The following SYNE2 variants were observed in gnomAD, a reference collection of about 807,000 sequenced individuals.
The protein encoded by SYNE2 is spectrin repeat containing nuclear envelope protein 2, also known as nesprin-2.
In SYNE2, 431 loss-of-function variants were observed where a neutral mutation model predicts 856.3. That is an observed-to-expected ratio of 0.50 (90% CI 0.47 to 0.55). The LOEUF is 0.55. SYNE2 is among the 20% of genes least tolerant of loss of function. The pLI, the probability that SYNE2 is intolerant of heterozygous loss-of-function variation, is 0.00. For missense variants in SYNE2, 8,129 were observed against 8,023.2 expected, an observed-to-expected ratio of 1.01 and a Z score of -0.50; for synonymous variants, 2,923 against 2,872.3, an observed-to-expected ratio of 1.02 and a Z score of -0.56.
chr14:63,953,279 A>G lies in SYNE2; in HGVS notation c.591-1440A>G, dbSNP rs182491717. ...TAAGGCAGGGCTTTGCTGCGGAGAGACTTTAAGCTGACTCCTCAAGTGGGA... is the reference window on the plus strand; with the variant it reads ...TAAGGCAGGGCTTTGCTGCGGAGAGGCTTTAAGCTGACTCCTCAAGTGGGA... On this transcript the variant is annotated intron_variant, in intron 7 of 115. Coordinates refer to ENST00000555002, the MANE Select transcript of SYNE2 (RefSeq NM_182914.3). Among the ~76,000 whole-genome samples, 136 of 152,222 alleles carry G rather than the reference A, an allele frequency of 8.9e-4. 2 individuals carry two copies. The highest frequency in any genetic ancestry group is 1.7e-3 in the Non-Finnish European group (113 of 68,010).
At chr14:64,078,751 G>A in intron 55 of SYNE2, 145 bp downstream of exon 55, 1 of 1,009,884 alleles carries the variant, frequency 9.9e-7, no homozygotes, top group South Asian at 1.4e-5. Context: ...CACCTAGAGA[G>A]GCTTGATAGG....
intron 2 of SYNE2, among the ~76,000 whole-genome samples, chr14:63,921,106 C>G (rs1566803940): frequency 6.6e-6 from 1 of 151,744 alleles, no homozygotes; most frequent in Non-Finnish European, 1.5e-5. Context: ...CAGAGCGAGA[C>G]TCTGTCTCAA....
At chr14:63,982,896 C>T in intron 17 of SYNE2, 102 bp downstream of exon 17, 3 of 1,176,724 alleles carry the variant, frequency 2.5e-6, no homozygotes, top group Non-Finnish European at 3.7e-6. Context: ...GGTATATGCA[C>T]AGTTACGTAG....
intron 1 of SYNE2, among the ~76,000 whole-genome samples, chr14:63,882,473 T>G (rs548523345): frequency 7.4e-4 from 113 of 152,034 alleles, no homozygotes; most frequent in African/African-American, 2.6e-3. Flanking sequence ...CCCAGCACTT[T>G]GAGAGGCCAA....
rs1435742079 is a variant in SYNE2, at chr14:63,814,820, C to G, written c.-304-37681C>G. Reference sequence around the variant, plus strand: ...TATCCATATATATCCATATATATATCCATATATATCCATATACATATCTCC... The same window carrying G: ...TATCCATATATATCCATATATATATGCATATATATCCATATACATATCTCC... On this transcript the variant is annotated intron_variant, in intron 1 of 23. Transcript: ENST00000674003. 6.7e-4 allele frequency among the ~76,000 whole-genome samples: 81 copies of G among 120,396 alleles called. 1 individual carries two copies. Among genetic ancestry groups the G allele is most frequent in the African/African-American group, 2.4e-3 (78 of 32,160 alleles). 79.0% of individuals were successfully genotyped at this position (120,396 alleles called of 152,430 possible).
intron 1 of SYNE2, among the ~76,000 whole-genome samples, chr14:63,830,610 A>G (rs988064326): frequency 1.3e-5 from 2 of 151,914 alleles, no homozygotes; most frequent in African/African-American, 2.4e-5. Flanking sequence ...GCAGTGAACC[A>G]TGATCATGCC....
intron 70 of SYNE2, among the ~76,000 whole-genome samples, chr14:64,124,470 C>G (rs1435145056): frequency 6.6e-6 from 1 of 151,332 alleles, no homozygotes; most frequent in East Asian, 1.9e-4. Flanking sequence ...AGGAATCCTC[C>G]CACCTCTACT....
At chr14:64,132,155 TG>T in intron 76 of SYNE2, 109 bp from the exon 77 acceptor site, 1 of 1,318,210 alleles carries the variant, frequency 7.6e-7, no homozygotes, top group Non-Finnish European at 1.1e-6. Context: ...ACGGATGTCC[TG>T]GGATTTTGGA....
At chr14:64,142,143 A>G in intron 82 of SYNE2, 55 bp downstream of exon 82, 2 of 1,600,718 alleles carry the variant, frequency 1.2e-6, no homozygotes, top group Non-Finnish European at 1.7e-6. Context: ...GGCTAATCAG[A>G]GGGGTAATGC....
intron 1 of SYNE2, among the ~76,000 whole-genome samples, chr14:63,897,491 G>T (rs1190822073): frequency 6.6e-6 from 1 of 152,154 alleles, no homozygotes; most frequent in African/African-American, 2.4e-5. Flanking sequence ...CTTACAAACA[G>T]TTCTACCCTG....
rs1555342675 is a variant in SYNE2, at chr14:63,827,639, A to AAAC, written c.-304-24860_-304-24859insCAA. On this transcript the variant is annotated intron_variant, in intron 1 of 23. Coordinates refer to the SYNE2 transcript ENST00000674003. ...AAACTCTGTCTCAAAAAAAAAAAAA[A>AAAC]AAAAAAAAAAAAAAAAAGAAAGAAA... is the stretch of plus-strand genomic sequence containing the variant. Among the ~76,000 whole-genome samples the AAAC allele has an allele frequency of 1.0e-3, 66 of 64,400 alleles. 3 individuals are homozygous for AAAC. Among genetic ancestry groups the AAAC allele is most frequent in the African/African-American group, 2.5e-3 (65 of 26,128 alleles). 42.2% of individuals were successfully genotyped at this position (64,400 alleles called of 152,430 possible).
intron 1 of SYNE2, among the ~76,000 whole-genome samples, chr14:63,784,400 G>A (rs1887436188): frequency 6.6e-6 from 1 of 152,096 alleles, no homozygotes; most frequent in African/African-American, 2.4e-5. Flanking sequence ...GGGAGGCTGA[G>A]GCAGGAAAAT....
In SYNE2 at chr14:63,834,930, G is replaced by T. The variant is rs184793353; in HGVS notation, c.-304-17571G>T. On this transcript the variant is annotated intron_variant, in intron 1 of 23. Transcript: ENST00000674003. ...TGGGATTACAGGCATGAGTCACCAC[G>T]CCTGGCCACATTTGTCCAATTTCTT... Among the ~76,000 whole-genome samples, 5 of 152,224 alleles carry T rather than the reference G, an allele frequency of 3.3e-5. No individual in the cohort carries two copies. The East Asian group carries it at 9.6e-4, about 29-fold the overall frequency.
intron 3 of SYNE2, 125 bp downstream of exon 3, chr14:63,940,800 G>A: frequency 1.2e-6 from 1 of 805,432 alleles, no homozygotes; most frequent in Non-Finnish European, 2.1e-6. Context: ...GTTGTGGAAT[G>A]TCTTTTCTTG....
At chr14:64,043,698 C>A (rs1481208683) in intron 45 of SYNE2, among the ~76,000 whole-genome samples, 1 of 152,192 alleles carries the variant, frequency 6.6e-6, no homozygotes, top group African/African-American at 2.4e-5. Context: ...ACACAGAAGT[C>A]AAGAAATGAG....
chr14:63,964,875 G>A (rs1595910737), intron 10 of SYNE2, among the ~76,000 whole-genome samples: 1 of 151,958 alleles, frequency 6.6e-6, no homozygotes, highest in Admixed American at 6.6e-5. Flanking sequence ...ATCAGGAATA[G>A]GGATCCTAGA....
At chr14:64,115,671 T>C (rs1288325492) in intron 66 of SYNE2, among the ~76,000 whole-genome samples, 1 of 152,228 alleles carries the variant, frequency 6.6e-6, no homozygotes. Flanking sequence ...CTGGCACTTT[T>C]TGAACTTACT....
chr14:63,863,978 C>T (rs6573535), intron 1 of SYNE2, among the ~76,000 whole-genome samples: 87,162 of 151,820 alleles, frequency 0.57, 25,460 homozygotes, highest in South Asian at 0.69. Context: ...CACGGCACCA[C>T]GCTTGACTAA....
At chr14:63,902,182 G>A (rs559353167) in intron 1 of SYNE2, among the ~76,000 whole-genome samples, 1 of 151,890 alleles carries the variant, frequency 6.6e-6, no homozygotes, top group East Asian at 1.9e-4. Flanking sequence ...TGGCTGAGGC[G>A]GGCTGATTAT....
Sources: gnomAD v4.1 joint callset for allele counts (sites outside exome capture counted in the v4.1 genomes callset) on GRCh38, gnomAD v4.1.1 for gene constraint, MANE v1.5 for transcripts, NCBI Gene and HGNC (gene_info 2026-07-23, HGNC 2026-07-21) for gene names.